Variants in ELMO1 observed in about 807,000 individuals in gnomAD.
ELMO1 encodes the protein engulfment and cell motility protein 1.
A neutral mutation model predicts 98.9 loss-of-function variants in ELMO1; 26 were observed. The ratio of observed to expected loss-of-function variants is 0.26; its 90% CI spans 0.19 to 0.36. The LOEUF (loss-of-function observed/expected upper bound fraction) is 0.36. Among genes scored for constraint, ELMO1 ranks in the 10% least tolerant of loss-of-function variants. The pLI is 1.00. For missense variants in ELMO1, 627 were observed against 935.2 expected (o/e 0.67, Z 4.30); for synonymous variants, 346 against 346.0 (o/e 1.00, Z 0.00).
At chr7:37,249,599 G>C (rs987108847) in intron 6 of ELMO1, among the ~76,000 whole-genome samples, 1 of 152,024 alleles carries the variant, frequency 6.6e-6, no homozygotes, top group African/African-American at 2.4e-5. Flanking sequence ...TATTGACCAA[G>C]GTATTGGAAA....
At chr7:37,184,528 T>C (rs1244954497) in intron 13 of ELMO1, among the ~76,000 whole-genome samples, 1 of 152,218 alleles carries the variant, frequency 6.6e-6, no homozygotes, top group East Asian at 1.9e-4. Flanking sequence ...TGAAAAGCCA[T>C]ACTTTCCAGA....
At chr7:37,156,312 C>G (rs909467128) in intron 13 of ELMO1, among the ~76,000 whole-genome samples, 2 of 152,008 alleles carry the variant, frequency 1.3e-5, no homozygotes, top group African/African-American at 4.8e-5. Context: ...CAACAAATAA[C>G]TAAGGTCAGA....
chr7:37,174,693 AT>A (rs1790406060), intron 13 of ELMO1, among the ~76,000 whole-genome samples: 1 of 152,176 alleles, frequency 6.6e-6, no homozygotes, highest in Non-Finnish European at 1.5e-5. Flanking sequence ...ACATGATGTT[AT>A]TCATTGAACG....
intron 16 of ELMO1, among the ~76,000 whole-genome samples, chr7:36,977,081 T>C (rs924223742): frequency 2.0e-5 from 3 of 152,206 alleles, no homozygotes; most frequent in Admixed American, 6.5e-5. Context: ...AAAATGCCTT[T>C]TAACACTGCT....
chr7:37,157,285 T>TATAGTGAGA (rs1393074802), intron 13 of ELMO1, among the ~76,000 whole-genome samples: 9 of 152,354 alleles, frequency 5.9e-5, no homozygotes, highest in Admixed American at 3.3e-4. Context: ...TCACCATTCC[T>TATAGTGAGA]ATTCAACATA....
In ELMO1 at chr7:36,908,648, C is replaced by G. The variant is rs374331086; in HGVS notation, c.1438-13631G>C. 5.9e-5 allele frequency among the ~76,000 whole-genome samples: 9 copies of G among 152,108 alleles called. No individual in the cohort carries two copies. In the East Asian group the frequency reaches 1.7e-3, roughly 29 times the overall value. ...GCTTCAAAAATAAATAAATTTTAAA[C>G]TACATAGTGTAATGGCAGTTCTCAA... On this transcript the variant is annotated intron_variant, in intron 16 of 21. Transcript: ENST00000310758.
intron 1 of ELMO1, among the ~76,000 whole-genome samples, chr7:37,430,919 G>C (rs1398174225): frequency 1.3e-5 from 2 of 151,622 alleles, no homozygotes; most frequent in East Asian, 3.9e-4. Flanking sequence ...CCACAAGGCA[G>C]CTCAGGGAAG....
chr7:37,254,527 G>A (rs1252773704), intron 6 of ELMO1, among the ~76,000 whole-genome samples: 1 of 152,236 alleles, frequency 6.6e-6, no homozygotes, highest in Admixed American at 6.5e-5. Context: ...CCTAGGCTAT[G>A]TGGCACAGCT....
At chr7:37,085,450 T>G (rs1027424879) in intron 15 of ELMO1, among the ~76,000 whole-genome samples, 6 of 152,244 alleles carry the variant, frequency 3.9e-5, no homozygotes, top group African/African-American at 1.4e-4. Flanking sequence ...TTCTGTTGTT[T>G]TACTTTATTT....
At chr7:37,011,157 G>A (rs954422213) in intron 16 of ELMO1, among the ~76,000 whole-genome samples, 2 of 152,198 alleles carry the variant, frequency 1.3e-5, no homozygotes, top group African/African-American at 4.8e-5. Flanking sequence ...CTGGCTCTTA[G>A]GTCTTGCTGA....
intron 2 of ELMO1, among the ~76,000 whole-genome samples, chr7:37,337,524 A>C (rs1260135429): frequency 2.2e-5 from 1 of 44,460 alleles, no homozygotes; most frequent in East Asian, 7.9e-4. Context: ...CTTAAAGTAT[A>C]AAAAAAAAAA....
At chr7:36,975,471 TAAAAC>T (rs1158349363) in intron 16 of ELMO1, among the ~76,000 whole-genome samples, 2 of 148,952 alleles carry the variant, frequency 1.3e-5, no homozygotes, top group African/African-American at 2.5e-5. Context: ...GTCTCAAAAA[TAAAAC>T]AAAACAGAAA....
intron 14 of ELMO1, among the ~76,000 whole-genome samples, chr7:37,116,277 C>T (rs574346893): frequency 1.1e-4 from 17 of 152,254 alleles, no homozygotes; most frequent in Admixed American, 7.2e-4. Flanking sequence ...TAGAAAAATG[C>T]ACATTTAAAG....
chr7:37,174,797 A>G (rs1187662040), intron 13 of ELMO1, among the ~76,000 whole-genome samples: 2 of 152,212 alleles, frequency 1.3e-5, no homozygotes, highest in Admixed American at 1.3e-4. Context: ...CTGTCCCACA[A>G]TATAATCACG....
chr7:36,890,645 T>G (rs1317429397), intron 17 of ELMO1, among the ~76,000 whole-genome samples: 1 of 152,204 alleles, frequency 6.6e-6, no homozygotes, highest in African/African-American at 2.4e-5. Flanking sequence ...TTCAGTACAC[T>G]ATAATCATTT....
intron 4 of ELMO1, among the ~76,000 whole-genome samples, chr7:37,292,691 G>C: frequency 9.6e-6 from 1 of 103,850 alleles, no homozygotes; most frequent in African/African-American, 3.1e-5. Context: ...CGTCTGGGAA[G>C]TGAGGAGCGT....
intron 15 of ELMO1, among the ~76,000 whole-genome samples, chr7:37,090,785 T>G (rs765449215): frequency 6.6e-6 from 1 of 152,204 alleles, no homozygotes; most frequent in Non-Finnish European, 1.5e-5. Flanking sequence ...GAGATATGAA[T>G]GTGACTCAAA....
chr7:36,928,968 C>T (rs2129082148), intron 16 of ELMO1, among the ~76,000 whole-genome samples: 1 of 152,358 alleles, frequency 6.6e-6, no homozygotes, highest in Middle Eastern at 3.4e-3. Context: ...GGGCAACCAT[C>T]ACCTATGGAA....
chr7:37,335,412 G>T (rs898097978), intron 2 of ELMO1, among the ~76,000 whole-genome samples: 1 of 152,004 alleles, frequency 6.6e-6, no homozygotes, highest in African/African-American at 2.4e-5. Flanking sequence ...AAAACAGAGG[G>T]GTACCTGGGA....
Sources: allele counts gnomAD v4.1 joint callset (sites outside exome capture counted in the v4.1 genomes callset), GRCh38; gene constraint gnomAD v4.1.1; transcripts MANE v1.5; gene names NCBI Gene and HGNC (gene_info 2026-07-23, HGNC 2026-07-21).